Variants in POU6F2 observed in about 807,000 individuals in gnomAD.
POU6F2 encodes POU class 6 homeobox 2.
In POU6F2, 31 loss-of-function variants were observed where a neutral mutation model predicts 71.3. The observed-to-expected ratio is 0.43, with a 90% CI of 0.33 to 0.59. The LOEUF (loss-of-function observed/expected upper bound fraction) is 0.59. Ranked by LOEUF, POU6F2 falls within the 20% of genes least tolerant of loss-of-function variation. The probability of loss-of-function intolerance (pLI) is 0.04; values close to 1 mark genes in which losing one functional copy is unlikely to be tolerated. For synonymous variants in POU6F2, 347 were observed against 355.7 expected, an observed-to-expected ratio of 0.98 and a Z score of 0.27; for missense variants, 783 against 856.8, an observed-to-expected ratio of 0.91 and a Z score of 1.07.
chr7:39,009,249 A>G (rs1378405069), intron 1 of POU6F2, among the ~76,000 whole-genome samples: 1 of 151,460 alleles, frequency 6.6e-6, no homozygotes, highest in Non-Finnish European at 1.5e-5. Flanking sequence ...ATCCCTTGTA[A>G]GTTGGATTCC....
At chr7:39,287,230 A>T (rs1784666816) in intron 4 of POU6F2, among the ~76,000 whole-genome samples, 1 of 152,186 alleles carries the variant, frequency 6.6e-6, no homozygotes, top group Non-Finnish European at 1.5e-5. Flanking sequence ...TCCTCAAACC[A>T]GCTCATCGAA....
chr7:39,341,890 A>T (rs928296152), intron 5 of POU6F2, among the ~76,000 whole-genome samples: 2 of 152,232 alleles, frequency 1.3e-5, no homozygotes, highest in African/African-American at 2.4e-5. Flanking sequence ...GCCTCATGAA[A>T]ATAAACTTAG....
At chr7:39,372,617 T>G (rs1033777003) in intron 5 of POU6F2, among the ~76,000 whole-genome samples, 1 of 152,198 alleles carries the variant, frequency 6.6e-6, no homozygotes, top group Non-Finnish European at 1.5e-5. Context: ...GTCTACCAAC[T>G]TAAATGTTCA....
chr7:39,438,236 G>A (rs1014562667), intron 7 of POU6F2, among the ~76,000 whole-genome samples: 6 of 152,056 alleles, frequency 3.9e-5, no homozygotes, highest in African/African-American at 1.4e-4. Flanking sequence ...TGAGAATGAT[G>A]GTTTCCAGCT....
At chr7:39,012,854 G>T (rs1215322465) in intron 1 of POU6F2, among the ~76,000 whole-genome samples, 4 of 152,214 alleles carry the variant, frequency 2.6e-5, no homozygotes, top group South Asian at 4.2e-4. Flanking sequence ...AGGGGTCAGG[G>T]ACCCACTTGA....
chr7:39,110,706 A>G (rs560136850), intron 2 of POU6F2, among the ~76,000 whole-genome samples: 74 of 152,354 alleles, frequency 4.9e-4, no homozygotes, highest in African/African-American at 1.6e-3. Context: ...TACAGTAATC[A>G]AAAGATGTTA....
chr7:39,303,138 G>A (rs952240154), intron 4 of POU6F2, among the ~76,000 whole-genome samples: 1 of 152,070 alleles, frequency 6.6e-6, no homozygotes, highest in African/African-American at 2.4e-5. Flanking sequence ...ATTGCTTTAT[G>A]TTTTTGTTTT....
intron 2 of POU6F2, among the ~76,000 whole-genome samples, chr7:39,148,095 AC>A (rs1434590198): frequency 1.3e-5 from 2 of 152,212 alleles, no homozygotes; most frequent in Non-Finnish European, 2.9e-5. Context: ...AAACCTTTTA[AC>A]AACTAGGGTG....
intron 2 of POU6F2, among the ~76,000 whole-genome samples, chr7:39,147,684 T>A (rs1177030945): frequency 6.6e-6 from 1 of 152,094 alleles, no homozygotes; most frequent in Non-Finnish European, 1.5e-5. Flanking sequence ...CTTAGAGAAG[T>A]GGGAAGAGTT....
intron 2 of POU6F2, among the ~76,000 whole-genome samples, chr7:39,154,092 A>G (rs1435792097): frequency 1.3e-5 from 2 of 152,248 alleles, no homozygotes; most frequent in Non-Finnish European, 1.5e-5. Context: ...AATAGCATAC[A>G]TTACTCATAG....
At chr7:39,113,180 C>T (rs879776951) in intron 2 of POU6F2, among the ~76,000 whole-genome samples, 11 of 152,142 alleles carry the variant, frequency 7.2e-5, no homozygotes, top group Admixed American at 6.6e-4. Context: ...GAATGTATCA[C>T]CATTGCCTGC....
chr7:39,265,082 G>A (rs1784214302), intron 4 of POU6F2, among the ~76,000 whole-genome samples: 1 of 152,146 alleles, frequency 6.6e-6, no homozygotes, highest in Non-Finnish European at 1.5e-5. Flanking sequence ...GAAAAGGTCA[G>A]AATGTATACC....
intron 5 of POU6F2, among the ~76,000 whole-genome samples, chr7:39,390,320 G>A (rs370117078): frequency 2.0e-5 from 3 of 152,162 alleles, no homozygotes; most frequent in Admixed American, 2.0e-4. Flanking sequence ...CGCTTGAAAG[G>A]GGGAGGTGGA....
Position 39,048,400 on chromosome 7 carries a change from C to G in POU6F2, c.106-37460C>G, listed in dbSNP as rs572375243. On this transcript the variant is annotated intron_variant, in intron 1 of 9. Transcript: ENST00000518318. ...CAAGTAGGCCCCAGTGTCTGTTGTT[C>G]CCCTCTTTGTGTCTATGTGTTCTAA... Among the ~76,000 whole-genome samples, 7 of 151,688 alleles carry G rather than the reference C, an allele frequency of 4.6e-5. No individual in the cohort carries two copies. The South Asian group carries it at 8.3e-4, about 18-fold the overall frequency.
chr7:39,433,063 G>T lies in POU6F2; in HGVS notation c.1114-14G>T. 1 of 1,611,826 alleles carries T rather than the reference G, an allele frequency of 6.2e-7. No individual in the cohort carries two copies. The highest frequency in any genetic ancestry group is 1.1e-5 in the South Asian group (1 of 90,982). ...TCACCGAGCCAGCTCCTCACCTTTG[G>T]CCCTCTCTTGCAGATTATCGGGACC... On this transcript the variant is annotated splice_polypyrimidine_tract_variant and intron_variant, in intron 6 of 9. Transcript: ENST00000518318.
intron 5 of POU6F2, among the ~76,000 whole-genome samples, chr7:39,364,419 C>A (rs1365378518): frequency 6.6e-6 from 1 of 152,104 alleles, no homozygotes; most frequent in Non-Finnish European, 1.5e-5. Flanking sequence ...CACCCCTTTT[C>A]CACCCTTTCC....
chr7:39,280,486 C>T (rs1430946869), intron 4 of POU6F2, among the ~76,000 whole-genome samples: 1 of 152,198 alleles, frequency 6.6e-6, no homozygotes, highest in African/African-American at 2.4e-5. Context: ...TTCAAACAGA[C>T]CATGTCTCTG....
intron 2 of POU6F2, among the ~76,000 whole-genome samples, chr7:39,159,955 G>A (rs1792957878): frequency 6.6e-6 from 1 of 152,114 alleles, no homozygotes; most frequent in Non-Finnish European, 1.5e-5. Flanking sequence ...GGATGGCATG[G>A]GCAATTTAAA....
At chr7:39,000,678 T>A (rs1418087871) in intron 1 of POU6F2, among the ~76,000 whole-genome samples, 1 of 152,166 alleles carries the variant, frequency 6.6e-6, no homozygotes, top group Non-Finnish European at 1.5e-5. Context: ...AACATATTTG[T>A]TGAAATGGAA....
Sources: allele counts gnomAD v4.1 joint callset (sites outside exome capture counted in the v4.1 genomes callset), GRCh38; gene constraint gnomAD v4.1.1; transcripts MANE v1.5; gene names NCBI Gene and HGNC (gene_info 2026-07-23, HGNC 2026-07-21).